The following EGFR variants were observed in gnomAD, a reference collection of about 807,000 sequenced individuals.
The protein encoded by EGFR is avian erythroblastic leukemia viral (v-erb-b) oncogene homolog.
A neutral mutation model predicts 143.0 loss-of-function variants in EGFR; 58 were observed. The observed-to-expected ratio is 0.41, with a 90% CI of 0.33 to 0.50. The LOEUF (loss-of-function observed/expected upper bound fraction) is 0.50, where lower values mean the gene tolerates loss of function less well. Ranked by LOEUF, EGFR falls within the 20% of genes least tolerant of loss-of-function variation. The pLI is 0.39. For missense variants in EGFR, 1,307 were observed against 1,579.0 expected (o/e 0.83, Z 2.92); for synonymous variants, 613 against 594.4 (o/e 1.03, Z -0.45).
intron 4 of EGFR, among the ~76,000 whole-genome samples, chr7:55,150,268 G>A (rs1379212959): frequency 6.6e-6 from 1 of 152,240 alleles, no homozygotes; most frequent in Non-Finnish European, 1.5e-5. Flanking sequence ...TAGCACGCCT[G>A]CGTAGGACCT....
At chr7:55,068,151 T>C (rs906626857) in intron 1 of EGFR, among the ~76,000 whole-genome samples, 1 of 152,146 alleles carries the variant, frequency 6.6e-6, no homozygotes, top group Admixed American at 6.5e-5. Flanking sequence ...TAAAAATCTC[T>C]CATCACCTTT....
At chr7:55,088,621 G>A (rs1328106506) in intron 1 of EGFR, among the ~76,000 whole-genome samples, 2 of 152,170 alleles carry the variant, frequency 1.3e-5, no homozygotes, top group Admixed American at 6.5e-5. Flanking sequence ...CTGGGCATGC[G>A]ACCTTTCCCG....
intron 24 of EGFR, 87 bp downstream of exon 24, chr7:55,200,500 C>G (rs2128970211): frequency 7.5e-7 from 1 of 1,334,442 alleles, no homozygotes; most frequent in East Asian, 2.3e-5. Context: ...GCCAGCCTGG[C>G]CTCCCTGTGT....
At chr7:55,050,630 A>G (rs890072596) in intron 1 of EGFR, among the ~76,000 whole-genome samples, 18 of 152,042 alleles carry the variant, frequency 1.2e-4, no homozygotes, top group African/African-American at 4.3e-4. Context: ...ACTGCTCCCC[A>G]GCAGTGGGAT....
intron 1 of EGFR, among the ~76,000 whole-genome samples, chr7:55,125,197 C>T (rs1793452593): frequency 6.6e-6 from 1 of 152,208 alleles, no homozygotes; most frequent in Non-Finnish European, 1.5e-5. Flanking sequence ...ATGGGCCCTT[C>T]TCCACATGGC....
intron 1 of EGFR, among the ~76,000 whole-genome samples, chr7:55,078,687 G>A (rs1425724791): frequency 6.6e-6 from 1 of 152,220 alleles, no homozygotes; most frequent in East Asian, 1.9e-4. Flanking sequence ...AGTCGCTTTG[G>A]TGAGAGAGTG....
rs1375674105 is a variant in EGFR at position 55,206,939 on chromosome 7, A to C, written c.*1322A>C. ...TATGAAACTAGGGTTTGAAATTGAT[A>C]ATGCTTTCACAACATTTGCAGATGT... On this transcript the variant is annotated 3_prime_UTR_variant, in exon 28 of 28. Coordinates refer to ENST00000275493, the MANE Select transcript of EGFR (RefSeq NM_005228.5). The C allele has an allele frequency of 4.3e-6, 1 of 233,090 alleles. No homozygotes were observed. The highest frequency in any genetic ancestry group is 2.2e-5 in the African/African-American group (1 of 45,344). 14.4% of individuals were successfully genotyped at this position (233,090 alleles called of 1,614,324 possible). A position where few individuals can be genotyped will look rare whatever the true frequency, so the allele number is the denominator to read the frequency against.
At chr7:55,204,938 C>G (rs887163394) in intron 27 of EGFR, among the ~76,000 whole-genome samples, 1 of 151,294 alleles carries the variant, frequency 6.6e-6, no homozygotes, top group African/African-American at 2.4e-5. Context: ...ATACACACAC[C>G]AGACACACAT....
chr7:55,189,877 C>T (rs1178294105), intron 20 of EGFR, among the ~76,000 whole-genome samples: 1 of 152,186 alleles, frequency 6.6e-6, no homozygotes, highest in East Asian at 1.9e-4. Context: ...AAGGTAGACA[C>T]TCAGTTGAAC....
intron 1 of EGFR, among the ~76,000 whole-genome samples, chr7:55,036,479 G>A (rs1181277307): frequency 6.6e-6 from 1 of 152,006 alleles, no homozygotes; most frequent in Non-Finnish European, 1.5e-5. Flanking sequence ...GCACACTTTT[G>A]TACATTTTCC....
In EGFR at chr7:55,112,537, TAGAC is replaced by T. The variant is rs1405810869; in HGVS notation, c.89-29746_89-29743del. The stretch of plus-strand genomic sequence containing the variant: ...GTGTGGCCAGGGGCTGATCTCACAG[TAGAC>T]AGGAAGTGTGGCCCGAGGGCCATGG... On this transcript the variant is annotated intron_variant, in intron 1 of 27. Transcript: ENST00000275493. 1.2e-4 allele frequency among the ~76,000 whole-genome samples: 19 copies of T among 152,312 alleles called. No individual in the cohort carries two copies. The East Asian group carries it at 3.7e-3, about 29-fold the overall frequency.
chr7:55,201,856 A>C (rs930816970), intron 26 of EGFR, 74 bp downstream of exon 26: 2 of 1,542,376 alleles, frequency 1.3e-6, no homozygotes, highest in African/African-American at 2.7e-5. Context: ...AAAATGCCTT[A>C]ACCTAAATAA....
rs1788206683 is a variant in EGFR at position 55,210,253 on chromosome 7, A to T, written c.*4636A>T. 1 of 152,226 alleles carries T rather than the reference A, an allele frequency of 6.6e-6. No individual in the cohort carries two copies. The highest frequency in any genetic ancestry group is 2.1e-4 in the South Asian group (1 of 4,830). The allele number at this position is 152,226 out of a possible 1,614,324, so 9.4% of individuals were successfully genotyped here. ...TGCAAATTTTATTTTTATATTTACAATTGATATGCATTTACCAGTATAAAC... is the reference window on the plus strand; with the variant it reads ...TGCAAATTTTATTTTTATATTTACATTTGATATGCATTTACCAGTATAAAC... On this transcript the variant is annotated 3_prime_UTR_variant, in exon 28 of 28. Transcript: ENST00000275493.
At chr7:55,148,261 C>T (rs1232917911) in intron 4 of EGFR, among the ~76,000 whole-genome samples, 2 of 152,036 alleles carry the variant, frequency 1.3e-5, no homozygotes, top group Non-Finnish European at 2.9e-5. Context: ...GGAGGTTAAA[C>T]TGTGCACATT....
intron 20 of EGFR, among the ~76,000 whole-genome samples, chr7:55,186,966 C>T (rs530750597): frequency 2.0e-4 from 30 of 152,294 alleles, no homozygotes; most frequent in African/African-American, 7.0e-4. Context: ...CCTCCAGAGC[C>T]GTGAGTCCTG....
chr7:55,124,617 A>T (rs140858322), intron 1 of EGFR, among the ~76,000 whole-genome samples: 1 of 152,180 alleles, frequency 6.6e-6, no homozygotes, highest in African/African-American at 2.4e-5. Flanking sequence ...GGGCAATTCA[A>T]CTGGCTGATT....
At chr7:55,069,326 G>A (rs529229808) in intron 1 of EGFR, among the ~76,000 whole-genome samples, 22 of 152,284 alleles carry the variant, frequency 1.4e-4, no homozygotes, top group African/African-American at 5.1e-4. Context: ...TCCAGCAAGG[G>A]ATACTTTTTA....
chr7:55,152,719 A>C (rs908480400), intron 6 of EGFR, 55 bp downstream of exon 6: 25 of 1,477,902 alleles, frequency 1.7e-5, no homozygotes, highest in Middle Eastern at 1.8e-4. Context: ...CACCCGCCCC[A>C]CCCACACCAG....
Position 55,090,964 on chromosome 7 carries a change from G to A in EGFR, c.89-51322G>A, listed in dbSNP as rs578072879. Among the ~76,000 whole-genome samples the A allele has an allele frequency of 1.3e-5, 2 of 152,328 alleles. 1 individual carries two copies. Among genetic ancestry groups the A allele is most frequent in the South Asian group, 4.1e-4 (2 of 4,828 alleles). On this transcript the variant is annotated intron_variant, in intron 1 of 27. Transcript: ENST00000275493. Reference sequence around the variant, plus strand: ...TTTGTATATGAGATTGTTATTAAATGTGACTTTGCTTTTTCAAGACATACA... The same window carrying A: ...TTTGTATATGAGATTGTTATTAAATATGACTTTGCTTTTTCAAGACATACA...
Sources: gnomAD v4.1 joint callset for allele counts (sites outside exome capture counted in the v4.1 genomes callset) on GRCh38, gnomAD v4.1.1 for gene constraint, MANE v1.5 for transcripts, NCBI Gene and HGNC (gene_info 2026-07-23, HGNC 2026-07-21) for gene names.